The following PPP2R2B variants were observed in gnomAD, a reference collection of about 807,000 sequenced individuals.
The protein encoded by PPP2R2B is protein phosphatase 2 regulatory subunit Bbeta.
In PPP2R2B, 5 loss-of-function variants were observed where a neutral mutation model predicts 46.0. That is an observed-to-expected ratio of 0.11 (90% confidence interval 0.06 to 0.23). The LOEUF is 0.23. PPP2R2B is among the 10% of genes least tolerant of loss of function. The pLI is 1.00. For missense variants in PPP2R2B, 367 were observed against 575.0 expected (o/e 0.64, Z 3.70); for synonymous variants, 215 against 206.7 (o/e 1.04, Z -0.34).
At chr5:146,640,011 T>C (rs976392353) in intron 6 of PPP2R2B, among the ~76,000 whole-genome samples, 4 of 152,208 alleles carry the variant, frequency 2.6e-5, no homozygotes, top group African/African-American at 7.2e-5. Context: ...ATTAAGCTAG[T>C]AGCATAGTCC....
intron 1 of PPP2R2B, among the ~76,000 whole-genome samples, chr5:146,903,726 G>A (rs560628176): frequency 6.6e-6 from 1 of 152,234 alleles, no homozygotes; most frequent in Non-Finnish European, 1.5e-5. Context: ...ATGCTTAAGA[G>A]TACATGCTTT....
chr5:146,624,271 A>G (rs1005579897), intron 7 of PPP2R2B, among the ~76,000 whole-genome samples: 8 of 152,208 alleles, frequency 5.3e-5, no homozygotes, highest in African/African-American at 1.9e-4. Flanking sequence ...TTTTAAAAAC[A>G]TAAATCTGAG....
At chr5:146,699,660 GGT>G (rs1491344400) in intron 3 of PPP2R2B, among the ~76,000 whole-genome samples, 1 of 101,758 alleles carries the variant, frequency 9.8e-6, no homozygotes, top group Non-Finnish European at 1.9e-5. Context: ...GAACTTAATT[GGT>G]TTTTTTTTTT....
intron 1 of PPP2R2B, among the ~76,000 whole-genome samples, chr5:146,956,351 C>T (rs1399308060): frequency 6.6e-6 from 1 of 152,112 alleles, no homozygotes; most frequent in Admixed American, 6.5e-5. Flanking sequence ...CTTTGTTCTC[C>T]TATCTGATCC....
chr5:146,960,572 A>T (rs1286206618), intron 1 of PPP2R2B, among the ~76,000 whole-genome samples: 2 of 152,138 alleles, frequency 1.3e-5, no homozygotes, highest in Non-Finnish European at 2.9e-5. Flanking sequence ...TTTAAATAAA[A>T]GTCGCTCAGA....
rs115630294 is a variant in PPP2R2B at position 147,055,779 on chromosome 5, C to T, written c.-36G>A. 1,030 of 1,569,746 alleles carry T rather than the reference C, an allele frequency of 6.6e-4. 8 individuals are homozygous for T. In the African/African-American group the frequency reaches 0.012, roughly 18 times the overall value. ...AAAAATAAAAATCTAAATAAAAAAACAGTCTCCTGAATCCATAAGGATTCT... is the reference window on the plus strand; with the variant it reads ...AAAAATAAAAATCTAAATAAAAAAATAGTCTCCTGAATCCATAAGGATTCT... On this transcript the variant is annotated 5_prime_UTR_variant, in exon 1 of 9. Transcript: ENST00000336640.
At chr5:146,639,120 C>G (rs553718509) in intron 6 of PPP2R2B, among the ~76,000 whole-genome samples, 1 of 152,210 alleles carries the variant, frequency 6.6e-6, no homozygotes, top group Non-Finnish European at 1.5e-5. Flanking sequence ...GGCTAAGTGA[C>G]AACACTAGGA....
chr5:146,760,958 A>T (rs1052641099), intron 2 of PPP2R2B, among the ~76,000 whole-genome samples: 1 of 152,234 alleles, frequency 6.6e-6, no homozygotes, highest in African/African-American at 2.4e-5. Context: ...TCAAAACCAC[A>T]ATGAGATACC....
At chr5:146,653,941 G>A (rs557386196) in intron 5 of PPP2R2B, among the ~76,000 whole-genome samples, 1 of 152,262 alleles carries the variant, frequency 6.6e-6, no homozygotes, top group Non-Finnish European at 1.5e-5. Context: ...CCCCTCACAA[G>A]GAGAAAGAGG....
chr5:146,802,950 A>T (rs1214186521), intron 2 of PPP2R2B, among the ~76,000 whole-genome samples: 1 of 152,144 alleles, frequency 6.6e-6, no homozygotes, highest in East Asian at 1.9e-4. Flanking sequence ...TCCTGTCCTC[A>T]CTATCAACAT....
rs1312675679 is a variant in PPP2R2B, at chr5:146,589,800, A to T, written c.*147T>A. On this transcript the variant is annotated 3_prime_UTR_variant, in exon 10 of 10. Transcript: ENST00000394411. ...AGTTTCTTAGAACTGGGGAGCTGGG[A>T]ATGTTGGACTCCTTTTAATTCTATT... The T allele has an allele frequency of 1.2e-6, 1 of 850,816 alleles. No individual in the cohort carries two copies. The highest frequency in any genetic ancestry group is 1.7e-5 in the African/African-American group (1 of 58,692). 52.7% of individuals were successfully genotyped at this position (850,816 alleles called of 1,614,324 possible).
chr5:146,900,197 A>G (rs1407835185), intron 1 of PPP2R2B, among the ~76,000 whole-genome samples: 1 of 152,200 alleles, frequency 6.6e-6, no homozygotes, highest in Non-Finnish European at 1.5e-5. Context: ...TGCACAGACA[A>G]GATCCACTAA....
intron 2 of PPP2R2B, among the ~76,000 whole-genome samples, chr5:146,731,197 C>A (rs916932635): frequency 2.6e-5 from 4 of 152,166 alleles, no homozygotes; most frequent in Non-Finnish European, 5.9e-5. Context: ...GGAGACTGCA[C>A]TCCAAGTAAG....
At chr5:146,694,892 A>T (rs1779085952) in intron 4 of PPP2R2B, among the ~76,000 whole-genome samples, 1 of 152,096 alleles carries the variant, frequency 6.6e-6, no homozygotes. Context: ...GCCTAATCAT[A>T]TTTATCTATA....
chr5:146,682,477 T>C (rs913438032), intron 5 of PPP2R2B, among the ~76,000 whole-genome samples: 4 of 152,202 alleles, frequency 2.6e-5, no homozygotes, highest in Admixed American at 1.3e-4. Flanking sequence ...GTTATTATTC[T>C]GGAGTCAGCT....
chr5:147,055,718 G>T (rs1757055298), exon 1 of PPP2R2B: 3 of 1,613,184 alleles, frequency 1.9e-6, no homozygotes, highest in Non-Finnish European at 8.5e-7. Flanking sequence ...GAAGATGTAA[G>T]GCAGGTAACG....
upstream of PPP2R2B, among the ~76,000 whole-genome samples, chr5:147,057,986 A>G (rs1209815395): frequency 6.6e-6 from 1 of 152,216 alleles, no homozygotes; most frequent in Non-Finnish European, 1.5e-5. Context: ...ACTATTGTCT[A>G]TAACAGTAGT....
rs145492013 is a variant in PPP2R2B, at chr5:146,782,851, G to C, written c.71-81709C>G. Among the ~76,000 whole-genome samples, 571 of 152,044 alleles carry C rather than the reference G, an allele frequency of 3.8e-3. 1 individual carries two copies. The highest frequency in any genetic ancestry group is 5.6e-3 in the Non-Finnish European group (379 of 67,972). On this transcript the variant is annotated intron_variant, in intron 2 of 9. Transcript: ENST00000394411. ...AAGGAAAAAGAAAGAAGAGAGGAGA[G>C]ACAGAGAGAAACAGAGGGGGAAGGA...
chr5:146,867,674 A>C (rs372327262), intron 2 of PPP2R2B, among the ~76,000 whole-genome samples: 11 of 152,138 alleles, frequency 7.2e-5, no homozygotes, highest in African/African-American at 2.2e-4. Flanking sequence ...CGGCCACCTC[A>C]TGATAACAGA....
Sources: allele counts gnomAD v4.1 joint callset (sites outside exome capture counted in the v4.1 genomes callset), GRCh38; gene constraint gnomAD v4.1.1; transcripts MANE v1.5; gene names NCBI Gene and HGNC (gene_info 2026-07-23, HGNC 2026-07-21).